Variants in RAB38 observed in about 807,000 individuals in gnomAD.
RAB38 encodes ras-related protein Rab-38.
Under a neutral mutation model 18.4 loss-of-function variants are expected in RAB38, and 15 were observed. That is an observed-to-expected ratio of 0.82 (90% CI 0.55 to 1.26). The LOEUF is 1.26. Among genes scored for constraint, RAB38 ranks in the 50% most tolerant of loss-of-function variants. RAB38 has a pLI of 0.00. For missense variants in RAB38, 294 were observed against 267.4 expected (o/e 1.10, Z -0.69); for synonymous variants, 101 against 104.4 (o/e 0.97, Z 0.20).
At chr11:88,130,687 C>T (rs953073844) in intron 2 of RAB38, among the ~76,000 whole-genome samples, 32 of 152,200 alleles carry the variant, frequency 2.1e-4, no homozygotes, top group African/African-American at 7.7e-4. Flanking sequence ...TTTGTATGGG[C>T]TCAAACTGTG....
At chr11:88,027,101 G>C in the RAB38 span, among the ~76,000 whole-genome samples, 2 of 151,906 alleles carry the variant, frequency 1.3e-5, no homozygotes, top group African/African-American at 4.8e-5. Flanking sequence ...AATAAACGAA[G>C]ATTTTATAGA....
At chr11:88,166,984 C>T (rs2134853165) in intron 1 of RAB38, 1 of 152,244 alleles carries the variant, frequency 6.6e-6, no homozygotes, top group East Asian at 1.9e-4. Context: ...TGAGTTCCTA[C>T]CACATGTCCA....
At chr11:88,092,354 GA>G in the RAB38 span, among the ~76,000 whole-genome samples, 454 of 8,408 alleles carry the variant, frequency 0.054, 169 homozygotes, top group Non-Finnish European at 0.098. Flanking sequence ...GAGGGAGGGA[GA>G]GAGAGAGAGA....
At chr11:87,939,623 C>T in the RAB38 span, among the ~76,000 whole-genome samples, 1 of 151,654 alleles carries the variant, frequency 6.6e-6, no homozygotes, top group Non-Finnish European at 1.5e-5. Flanking sequence ...TTTGGGAGGC[C>T]GAGGAGCTAA....
chr11:87,893,388 A>ATT, the RAB38 span, among the ~76,000 whole-genome samples: 3 of 9,354 alleles, frequency 3.2e-4, no homozygotes, highest in Admixed American at 3.9e-3. Context: ...ATATATATAT[A>ATT]TATTTTTTTT....
downstream of RAB38, among the ~76,000 whole-genome samples, chr11:88,110,813 CAAAA>C (rs10700245): frequency 8.7e-6 from 1 of 115,240 alleles, no homozygotes; most frequent in Non-Finnish European, 1.9e-5. Flanking sequence ...GACTCCATCT[CAAAA>C]AAAAAAAAAA....
chr11:88,127,632 G>A (rs1225903811), intron 2 of RAB38, among the ~76,000 whole-genome samples: 2 of 152,256 alleles, frequency 1.3e-5, no homozygotes, highest in Middle Eastern at 3.4e-3. Flanking sequence ...ATTTTCCTGA[G>A]ACTAGCCCAA....
chr11:87,877,546 A>G, the RAB38 span, among the ~76,000 whole-genome samples: 3 of 151,302 alleles, frequency 2.0e-5, no homozygotes, highest in Admixed American at 1.3e-4. Flanking sequence ...CCAGAATCCA[A>G]TTTTCTTTCC....
the RAB38 span, among the ~76,000 whole-genome samples, chr11:87,871,064 G>A: frequency 6.6e-5 from 10 of 151,682 alleles, no homozygotes; most frequent in South Asian, 6.2e-4. Context: ...CAAACACTGG[G>A]TTTAATATGT....
chr11:88,029,065 G>A, the RAB38 span, among the ~76,000 whole-genome samples: 1 of 151,772 alleles, frequency 6.6e-6, no homozygotes, highest in Admixed American at 6.6e-5. Context: ...AGAGAGTGGG[G>A]GCCAATATTC....
the RAB38 span, among the ~76,000 whole-genome samples, chr11:87,808,758 C>G: frequency 2.4e-3 from 362 of 152,082 alleles, 2 homozygotes; most frequent in South Asian, 7.5e-3. Context: ...TTTCAAACAT[C>G]ATGTTTTACT....
the RAB38 span, among the ~76,000 whole-genome samples, chr11:88,005,838 A>G: frequency 6.6e-6 from 1 of 151,506 alleles, no homozygotes; most frequent in Non-Finnish European, 1.5e-5. Context: ...TTTTCCCAGC[A>G]TTGTTTATTG....
chr11:88,074,419 T>G, the RAB38 span, among the ~76,000 whole-genome samples: 2 of 152,176 alleles, frequency 1.3e-5, no homozygotes, highest in African/African-American at 4.8e-5. Context: ...TTACAGAGTT[T>G]TAAAATTATT....
At chr11:88,105,429 C>G in the RAB38 span, among the ~76,000 whole-genome samples, 5 of 152,072 alleles carry the variant, frequency 3.3e-5, no homozygotes, top group Non-Finnish European at 7.4e-5. Flanking sequence ...ATAGAAAAAT[C>G]AATGCAATCT....
At chr11:87,928,909 G>C in the RAB38 span, among the ~76,000 whole-genome samples, 12 of 152,112 alleles carry the variant, frequency 7.9e-5, no homozygotes, top group African/African-American at 2.7e-4. Flanking sequence ...GAGATCAGGA[G>C]TTCAAGACCA....
chr11:87,835,459 G>T, the RAB38 span, among the ~76,000 whole-genome samples: 1 of 152,172 alleles, frequency 6.6e-6, no homozygotes, highest in Non-Finnish European at 1.5e-5. Context: ...CATTTTAGCA[G>T]ATATTCTGTT....
At chr11:88,111,656 C>T (rs1361102271), downstream of RAB38, among the ~76,000 whole-genome samples, 1 of 152,178 alleles carries the variant, frequency 6.6e-6, no homozygotes, top group African/African-American at 2.4e-5. Context: ...TAATAGTCTA[C>T]CACTTAATGA....
At chr11:87,975,609 G>A in the RAB38 span, among the ~76,000 whole-genome samples, 2 of 151,704 alleles carry the variant, frequency 1.3e-5, no homozygotes, top group Non-Finnish European at 2.9e-5. Flanking sequence ...ACATTTTATT[G>A]TGAAGTTAAT....
downstream of RAB38, among the ~76,000 whole-genome samples, chr11:88,109,356 A>C (rs545994974): frequency 6.6e-6 from 1 of 152,354 alleles, no homozygotes; most frequent in South Asian, 2.1e-4. Flanking sequence ...CTTACACCTT[A>C]CACAAAAATT....
Sources: allele counts gnomAD v4.1 joint callset (sites outside exome capture counted in the v4.1 genomes callset), GRCh38; gene constraint gnomAD v4.1.1; transcripts MANE v1.5; gene names NCBI Gene and HGNC (gene_info 2026-07-23, HGNC 2026-07-21).